The following ABHD3 variants were observed in gnomAD, a reference collection of about 807,000 sequenced individuals.
The protein encoded by ABHD3 is phospholipase ABHD3.
Under a neutral mutation model 48.8 loss-of-function variants are expected in ABHD3, and 46 were observed. The ratio of observed to expected loss-of-function variants is 0.94; its 90% CI spans 0.74 to 1.20. ABHD3 has a LOEUF of 1.20. Among genes scored for constraint, ABHD3 ranks in the 50% most tolerant of loss-of-function variants. The probability of loss-of-function intolerance (pLI) is 0.00; values close to 1 mark genes in which losing one functional copy is unlikely to be tolerated. For missense variants in ABHD3, 490 were observed against 497.8 expected, an observed-to-expected ratio of 0.98 and a Z score of 0.15; for synonymous variants, 192 against 183.7, an observed-to-expected ratio of 1.04 and a Z score of -0.36.
Position 21,659,282 on chromosome 18 carries a change from T to C in ABHD3, c.730A>G (p.Thr244Ala), listed in dbSNP as rs1683061569. 2 of 1,613,856 alleles carry C rather than the reference T, an allele frequency of 1.2e-6. No homozygotes were observed. Among genetic ancestry groups the C allele is most frequent in the Non-Finnish European group, 1.7e-6 (2 of 1,179,946 alleles). The change falls in exon 6 of 9, where the codon ACT (threonine) becomes GCT (alanine). Residue 244 changes from threonine (T) to alanine (A), a missense_variant. Transcript: ENST00000289119. ...AAGGTGTTCCAACCAACGGAAAAAG[T>C]TGCAGCTGCCATCAAAGGCGTTTTG... The part of the protein sequence containing the change: ...GSKTPLMAAA[T>A]FSVGWNTFAC...
At chr18:21,659,445 T>C (rs2039433964) in intron 5 of ABHD3, 102 bp from the exon 6 acceptor site, 6 of 1,151,824 alleles carry the variant, frequency 5.2e-6, no homozygotes, top group Non-Finnish European at 7.4e-6. Flanking sequence ...AGAAGAAAAA[T>C]ATAAACTAGT....
At chr18:21,673,018 C>A (rs1265638694) in intron 4 of ABHD3, among the ~76,000 whole-genome samples, 1 of 152,190 alleles carries the variant, frequency 6.6e-6, no homozygotes, top group Non-Finnish European at 1.5e-5. Context: ...CTCATGATGT[C>A]AGGTTATACA....
intron 3 of ABHD3, among the ~76,000 whole-genome samples, chr18:21,700,072 GTTTTTATTTATTTA>G (rs1226242985): frequency 1.3e-5 from 2 of 151,540 alleles, no homozygotes; most frequent in Non-Finnish European, 2.9e-5. Flanking sequence ...CAACCACATT[GTTTTTATTTATTTA>G]TTTTTATTTA....
chr18:21,651,740 G>T lies in ABHD3; in HGVS notation c.1081C>A (p.Gln361Lys). Residue 361 changes from glutamine (Q) to lysine (K), a missense_variant, in exon 9 of 9, where the codon CAA (glutamine) becomes AAA (lysine). Transcript: ENST00000289119. ...SHAIPIETAK[Q>K]NPNVALVLTS... ...AGGACCAAAGCAACATTAGGATTTTGCTTAGCAGTTTCTATTGGAATAGCT... is the reference window on the plus strand; with the variant it reads ...AGGACCAAAGCAACATTAGGATTTTTCTTAGCAGTTTCTATTGGAATAGCT... The T allele has an allele frequency of 6.4e-7, 1 of 1,574,462 alleles. No homozygotes were observed. The highest frequency in any genetic ancestry group is 8.6e-7 in the Non-Finnish European group (1 of 1,158,698).
At chr18:21,689,333 G>A (rs2040192964) in intron 3 of ABHD3, among the ~76,000 whole-genome samples, 1 of 152,054 alleles carries the variant, frequency 6.6e-6, no homozygotes, top group African/African-American at 2.4e-5. Flanking sequence ...TGGATCACCT[G>A]AGGTCAGGAG....
chr18:21,704,354 T>C (rs2146346010), intron 1 of ABHD3, 150 bp downstream of exon 1: 12 of 861,374 alleles, frequency 1.4e-5, no homozygotes, highest in Non-Finnish European at 1.8e-5. Flanking sequence ...CCTGTTGGCT[T>C]TCCCGCGCGC....
chr18:21,690,527 A>G (rs183468605), intron 3 of ABHD3, among the ~76,000 whole-genome samples: 2,372 of 152,118 alleles, frequency 0.016, 25 homozygotes, highest in Non-Finnish European at 0.024. Context: ...GCTTGAACCC[A>G]GGAGGCGGAG....
intron 3 of ABHD3, among the ~76,000 whole-genome samples, chr18:21,696,387 G>A (rs528253391): frequency 6.6e-6 from 1 of 152,214 alleles, no homozygotes; most frequent in African/African-American, 2.4e-5. Flanking sequence ...CTAACCTTGT[G>A]ATCCGCCTGC....
At chr18:21,668,534 A>G (rs2039689079) in intron 4 of ABHD3, among the ~76,000 whole-genome samples, 1 of 152,198 alleles carries the variant, frequency 6.6e-6, no homozygotes, top group African/African-American at 2.4e-5. Context: ...AAAGGACCAT[A>G]GATGTCACTT....
intron 3 of ABHD3, among the ~76,000 whole-genome samples, chr18:21,699,167 G>A (rs1371677669): frequency 1.3e-5 from 2 of 152,070 alleles, no homozygotes; most frequent in African/African-American, 2.4e-5. Context: ...ACCCACCTCA[G>A]CCTCCCAAAG....
intron 4 of ABHD3, among the ~76,000 whole-genome samples, chr18:21,678,882 C>T (rs909747422): frequency 2.0e-5 from 3 of 152,154 alleles, no homozygotes; most frequent in African/African-American, 7.2e-5. Flanking sequence ...TGGGCTTTCC[C>T]TCAATCCTAC....
At chr18:21,696,016 G>T (rs771627013) in intron 3 of ABHD3, among the ~76,000 whole-genome samples, 5 of 152,030 alleles carry the variant, frequency 3.3e-5, no homozygotes, top group Non-Finnish European at 4.4e-5. Context: ...AATGGTAAAT[G>T]AAGGCTCTCG....
Position 21,704,523 on chromosome 18 carries a change from T to C in ABHD3, c.143A>G (p.Tyr48Cys). The change falls in exon 1 of 9, where the codon TAC becomes TGC. Residue 48 changes from tyrosine (Y) to cysteine (C), a missense_variant. Physicochemically the swap from Tyr to Cys is radical, Grantham distance 194. Transcript: ENST00000289119. ...GCTCACCTTGGCAATGCTGCTCAGG[T>C]AGTAGAAGGCATAAGCGACGCTGAA... ...LGFSVAYAFY[Y>C]LSSIAKKPQL... 6.7e-7 allele frequency: 1 copy of C among 1,495,388 alleles called. No homozygotes were observed. Among genetic ancestry groups the C allele is most frequent in the South Asian group, 1.3e-5 (1 of 77,938 alleles). 92.6% of individuals were successfully genotyped at this position (1,495,388 alleles called of 1,614,324 possible).
At position 21,655,291 on chromosome 18, in the gene ABHD3, T is replaced by G. The variant is rs535455910; in HGVS notation, c.1057+1570A>C. 7.4e-4 allele frequency among the ~76,000 whole-genome samples: 112 copies of G among 151,132 alleles called. No homozygotes were observed. In the East Asian group the frequency reaches 7.8e-3, roughly 11 times the overall value. On this transcript the variant is annotated intron_variant, in intron 8 of 8. Coordinates refer to ENST00000289119, the MANE Select transcript of ABHD3 (RefSeq NM_138340.5). ...AGGGGAAAGAGAGAAAAAGTTTTTT[T>G]TTTTTTTTTTTTCCAAGATAGAGTC...
chr18:21,680,701 G>T (rs908734130), intron 4 of ABHD3, among the ~76,000 whole-genome samples: 2 of 152,080 alleles, frequency 1.3e-5, no homozygotes, highest in Non-Finnish European at 2.9e-5. Context: ...TACAATTAAA[G>T]CTTATGGGCT....
chr18:21,654,079 T>C (rs1210306856), intron 8 of ABHD3, among the ~76,000 whole-genome samples: 2 of 151,920 alleles, frequency 1.3e-5, no homozygotes, highest in East Asian at 3.9e-4. Flanking sequence ...CTTGAACTCC[T>C]GACTTCAGGT....
At chr18:21,665,307 C>T (rs551966970) in intron 4 of ABHD3, among the ~76,000 whole-genome samples, 1 of 152,140 alleles carries the variant, frequency 6.6e-6, no homozygotes, top group African/African-American at 2.4e-5. Context: ...ATGGTATGAT[C>T]ACAGCTCACT....
intron 4 of ABHD3, among the ~76,000 whole-genome samples, chr18:21,681,577 TTC>T (rs2040005555): frequency 1.3e-5 from 2 of 152,170 alleles, no homozygotes; most frequent in African/African-American, 2.4e-5. Context: ...ACTGCCATGG[TTC>T]TCTTTCTAAA....
intron 4 of ABHD3, among the ~76,000 whole-genome samples, chr18:21,672,040 A>G (rs190506341): frequency 5.3e-4 from 80 of 152,346 alleles, no homozygotes; most frequent in African/African-American, 1.9e-3. Context: ...GAAAAACAAT[A>G]AAGCATATAT....
Sources: allele counts gnomAD v4.1 joint callset (sites outside exome capture counted in the v4.1 genomes callset), GRCh38; gene constraint gnomAD v4.1.1; transcripts MANE v1.5; gene names NCBI Gene and HGNC (gene_info 2026-07-23, HGNC 2026-07-21).